RBM20: variants seen among roughly 807,000 people sequenced by gnomAD.
RBM20 encodes RNA-binding protein 20.
RBM20 carries 51 observed loss-of-function variants against 110.1 expected under a neutral mutation model. The ratio of observed to expected loss-of-function variants is 0.46; its 90% CI spans 0.37 to 0.59. The LOEUF (loss-of-function observed/expected upper bound fraction) is 0.59. RBM20 is among the 20% of genes least tolerant of loss of function. The pLI is 0.00. For missense variants in RBM20, 1,512 were observed against 1,574.9 expected, an observed-to-expected ratio of 0.96 and a Z score of 0.68; for synonymous variants, 589 against 618.2, an observed-to-expected ratio of 0.95 and a Z score of 0.70.
intron 1 of RBM20, among the ~76,000 whole-genome samples, chr10:110,724,847 G>A (rs1434592876): frequency 6.6e-6 from 1 of 152,194 alleles, no homozygotes; most frequent in Non-Finnish European, 1.5e-5. Context: ...GCAGTGCCTG[G>A]AAACCTTGAT....
chr10:110,703,276 G>A (rs1196787521), intron 1 of RBM20, among the ~76,000 whole-genome samples: 5 of 151,728 alleles, frequency 3.3e-5, no homozygotes, highest in Non-Finnish European at 7.4e-5. Context: ...TACTCGGGAG[G>A]CTGAGGCAGG....
intron 1 of RBM20, among the ~76,000 whole-genome samples, chr10:110,740,788 G>A (rs200965544): frequency 1.8e-4 from 28 of 152,210 alleles, no homozygotes; most frequent in East Asian, 1.5e-3. Flanking sequence ...AAAGACACTC[G>A]TTCTAGGGGG....
intron 1 of RBM20, among the ~76,000 whole-genome samples, chr10:110,699,636 T>C (rs1045349312): frequency 6.6e-6 from 1 of 152,130 alleles, no homozygotes; most frequent in Non-Finnish European, 1.5e-5. Flanking sequence ...AAAGGGTACT[T>C]GTTTCCTGTC....
intron 7 of RBM20, among the ~76,000 whole-genome samples, chr10:110,802,840 C>G (rs933056899): frequency 1.3e-5 from 2 of 152,222 alleles, no homozygotes; most frequent in African/African-American, 4.8e-5. Context: ...ACCATGTGAC[C>G]TATCCTAGAT....
chr10:110,835,575 A>C, intron 13 of RBM20: 1 of 190,596 alleles, frequency 5.2e-6, no homozygotes, highest in Non-Finnish European at 1.1e-5. Flanking sequence ...ACCTCAGGTG[A>C]TCCACCCACC....
chr10:110,791,996 G>C (rs188701919), intron 5 of RBM20, among the ~76,000 whole-genome samples: 1 of 152,076 alleles, frequency 6.6e-6, no homozygotes, highest in East Asian at 1.9e-4. Context: ...ATTTATTTTT[G>C]GTAACTTTTA....
intron 1 of RBM20, among the ~76,000 whole-genome samples, chr10:110,663,568 C>G (rs1862136469): frequency 6.6e-6 from 1 of 152,106 alleles, no homozygotes; most frequent in Admixed American, 6.5e-5. Context: ...GAGGTAGAAG[C>G]TAGACTTCTC....
intron 1 of RBM20, among the ~76,000 whole-genome samples, chr10:110,701,782 CT>C (rs1317842982): frequency 6.6e-6 from 1 of 152,208 alleles, no homozygotes; most frequent in Non-Finnish European, 1.5e-5. Flanking sequence ...GATTGCCTTG[CT>C]ATAGGCCTGC....
At chr10:110,762,191 G>C (rs1373746752) in intron 1 of RBM20, among the ~76,000 whole-genome samples, 1 of 152,228 alleles carries the variant, frequency 6.6e-6, no homozygotes, top group African/African-American at 2.4e-5. Flanking sequence ...GTTCTAATCT[G>C]TAAAATGGGG....
chr10:110,693,513 G>A (rs1862619724), intron 1 of RBM20, among the ~76,000 whole-genome samples: 6 of 152,130 alleles, frequency 3.9e-5, no homozygotes, highest in African/African-American at 7.2e-5. Flanking sequence ...CTAGGCATTC[G>A]TCCATTTCAA....
At chr10:110,768,554 A>AT (rs1189827671) in intron 1 of RBM20, among the ~76,000 whole-genome samples, 1 of 152,240 alleles carries the variant, frequency 6.6e-6, no homozygotes, top group Non-Finnish European at 1.5e-5. Flanking sequence ...ACGGAAACAT[A>AT]TACCATGTCC....
chr10:110,669,446 T>A (rs1169441069), intron 1 of RBM20, among the ~76,000 whole-genome samples: 6 of 152,242 alleles, frequency 3.9e-5, no homozygotes, highest in Non-Finnish European at 8.8e-5. Context: ...CTGAAAAGCC[T>A]CTTATGGTTT....
chr10:110,807,961 C>T (rs185930349), intron 7 of RBM20, among the ~76,000 whole-genome samples: 3 of 152,226 alleles, frequency 2.0e-5, no homozygotes, highest in Non-Finnish European at 4.4e-5. Context: ...GATCTCATGT[C>T]ATGGTCTTGG....
chr10:110,790,342 C>G (rs996125792), intron 5 of RBM20, among the ~76,000 whole-genome samples: 12 of 152,218 alleles, frequency 7.9e-5, no homozygotes, highest in Non-Finnish European at 1.2e-4. Context: ...TTGCTCCTGT[C>G]CCTCCAGCAA....
Position 110,752,945 on chromosome 10 carries a change from A to ATATTTT in RBM20, c.192-27855_192-27854insATTTTT, listed in dbSNP as rs1433992064. Among the ~76,000 whole-genome samples the ATATTTT allele has an allele frequency of 1.5e-4, 16 of 108,992 alleles. 1 individual carries two copies. Among genetic ancestry groups the ATATTTT allele is most frequent in the African/African-American group, 5.6e-4 (15 of 26,632 alleles). The allele number at this position is 108,992 out of a possible 152,430, so 71.5% of individuals were successfully genotyped here. A position where few individuals can be genotyped will look rare whatever the true frequency, so the allele number is the denominator to read the frequency against. The stretch of plus-strand genomic sequence containing the variant: ...CATATATATATATATATATATATAT[A>ATATTTT]TTTTTTTTTTTTTTATGAAGTCTCC... On this transcript the variant is annotated intron_variant, in intron 1 of 13. Coordinates refer to ENST00000369519, the MANE Select transcript of RBM20 (RefSeq NM_001134363.3).
Position 110,685,799 on chromosome 10 carries a change from C to CT in RBM20, c.191+41163dup, listed in dbSNP as rs201357996. Among the ~76,000 whole-genome samples the CT allele has an allele frequency of 2.5e-3, 377 of 151,566 alleles. 2 individuals carry two copies. The highest frequency in any genetic ancestry group is 8.7e-3 in the African/African-American group (359 of 41,274). On this transcript the variant is annotated intron_variant, in intron 1 of 13. Transcript: ENST00000369519. ...CGTGAGTAACAAGATCAGGGCAAGA[C>CT]TTTTTTTTTCGGTATGCTTTGTGAA...
chr10:110,652,117 T>G (rs2134807122), intron 1 of RBM20, among the ~76,000 whole-genome samples: 1 of 152,340 alleles, frequency 6.6e-6, no homozygotes, highest in East Asian at 1.9e-4. Context: ...TGTGTAGGTA[T>G]AAGGTCATGT....
chr10:110,685,452 CA>C lies in RBM20; in HGVS notation c.191+40808del, dbSNP rs1309414374. 2.6e-5 allele frequency among the ~76,000 whole-genome samples: 4 copies of C among 152,106 alleles called. No individual in the cohort carries two copies. In the East Asian group the frequency reaches 7.7e-4, roughly 29 times the overall value. On this transcript the variant is annotated intron_variant, in intron 1 of 13. Coordinates refer to ENST00000369519, the MANE Select transcript of RBM20 (RefSeq NM_001134363.3). ...CAGCTGTGCCTGTGTTCAGAATGGTCATGGGGTAGCTGGAAGATAGCTCTGG... is the reference window on the plus strand; with the variant it reads ...CAGCTGTGCCTGTGTTCAGAATGGTCTGGGGTAGCTGGAAGATAGCTCTGG...
intron 2 of RBM20, 103 bp downstream of exon 2, chr10:110,781,987 G>T: frequency 7.1e-7 from 1 of 1,408,512 alleles, no homozygotes; most frequent in South Asian, 1.3e-5. Flanking sequence ...TGTTGCATTG[G>T]GGTAACAGAA....
Sources: gnomAD v4.1 joint callset for allele counts (sites outside exome capture counted in the v4.1 genomes callset) on GRCh38, gnomAD v4.1.1 for gene constraint, MANE v1.5 for transcripts, NCBI Gene and HGNC (gene_info 2026-07-23, HGNC 2026-07-21) for gene names.